STXBP5: variants seen among roughly 807,000 people sequenced by gnomAD.
STXBP5 encodes the protein syntaxin binding protein 5, also known as syntaxin-binding protein 5.
A neutral mutation model predicts 152.4 loss-of-function variants in STXBP5; 50 were observed. That is an observed-to-expected ratio of 0.33 (90% CI 0.26 to 0.42). The LOEUF is 0.42. Among genes scored for constraint, STXBP5 ranks in the 10% least tolerant of loss-of-function variants. The pLI, the probability that STXBP5 is intolerant of heterozygous loss-of-function variation, is 1.00. For synonymous variants in STXBP5, 492 were observed against 494.7 expected (o/e 0.99, Z 0.07); for missense variants, 1,167 against 1,388.6 (o/e 0.84, Z 2.54).
At chr6:147,208,196 A>T (rs1163230355) in intron 2 of STXBP5, among the ~76,000 whole-genome samples, 1 of 152,124 alleles carries the variant, frequency 6.6e-6, no homozygotes, top group Non-Finnish European at 1.5e-5. Flanking sequence ...TTACTAAATT[A>T]CCTTCTACTT....
intron 8 of STXBP5, among the ~76,000 whole-genome samples, chr6:147,285,734 T>G (rs1780929079): frequency 6.6e-6 from 1 of 152,138 alleles, no homozygotes; most frequent in Non-Finnish European, 1.5e-5. Flanking sequence ...CCTAGCCAGG[T>G]TTTTTGCAAG....
chr6:147,348,260 A>C (rs1784428925), intron 21 of STXBP5, among the ~76,000 whole-genome samples: 1 of 152,080 alleles, frequency 6.6e-6, no homozygotes, highest in Non-Finnish European at 1.5e-5. Context: ...TGCCACTTAC[A>C]AGCATTTAGA....
intron 2 of STXBP5, among the ~76,000 whole-genome samples, chr6:147,207,064 C>T (rs1010612352): frequency 7.9e-5 from 12 of 151,716 alleles, no homozygotes; most frequent in Non-Finnish European, 1.6e-4. Flanking sequence ...AAGAAATATA[C>T]GATAGGGGAG....
chr6:147,363,623 T>C lies in STXBP5; in HGVS notation c.2834T>C (p.Val945Ala), dbSNP rs1295695845. 6.2e-7 allele frequency: 1 copy of C among 1,614,090 alleles called. No homozygotes were observed. The highest frequency in any genetic ancestry group is 1.3e-5 in the African/African-American group (1 of 74,932). The change falls in exon 24 of 28, where the codon GTG (valine) becomes GCG (alanine). Residue 945 changes from valine to alanine, a missense_variant. Coordinates refer to ENST00000321680, the MANE Select transcript of STXBP5 (RefSeq NM_001127715.4). ...YKQNITETSFVLRGDIVALSN... is the reference protein window; with the variant it reads ...YKQNITETSFALRGDIVALSN... ...CAAAATATTACAGAGACCTCGTTTG[T>C]GCTTCGTGGAGATATTGTAGCATTG...
chr6:147,296,892 T>A (rs1022901790), intron 9 of STXBP5, among the ~76,000 whole-genome samples: 1 of 152,120 alleles, frequency 6.6e-6, no homozygotes, highest in African/African-American at 2.4e-5. Context: ...TGAAGGCAGG[T>A]CTTTTGAAAT....
At chr6:147,334,620 TTGTA>T (rs1432942929) in intron 19 of STXBP5, among the ~76,000 whole-genome samples, 1 of 152,012 alleles carries the variant, frequency 6.6e-6, no homozygotes, top group Non-Finnish European at 1.5e-5. Context: ...TATAGACTAG[TTGTA>T]TGTATTTTTA....
At chr6:147,329,474 T>C (rs1261945783) in intron 18 of STXBP5, among the ~76,000 whole-genome samples, 1 of 150,858 alleles carries the variant, frequency 6.6e-6, no homozygotes, top group Non-Finnish European at 1.5e-5. Flanking sequence ...CCCAAATTTA[T>C]AAATATTTGA....
intron 9 of STXBP5, among the ~76,000 whole-genome samples, chr6:147,298,986 A>T (rs998823497): frequency 6.6e-6 from 1 of 152,044 alleles, no homozygotes; most frequent in East Asian, 1.9e-4. Flanking sequence ...GAGCCAAAAT[A>T]TACAAAATAG....
intron 4 of STXBP5, among the ~76,000 whole-genome samples, chr6:147,244,418 G>T (rs1257946811): frequency 6.6e-6 from 1 of 152,188 alleles, no homozygotes; most frequent in East Asian, 1.9e-4. Flanking sequence ...TTTAGAATCA[G>T]TTTGTCAATA....
At chr6:147,284,944 A>G (rs1386293646) in intron 8 of STXBP5, among the ~76,000 whole-genome samples, 2 of 152,200 alleles carry the variant, frequency 1.3e-5, no homozygotes, top group Non-Finnish European at 2.9e-5. Context: ...CTGGAGGCAG[A>G]AGAGGGTGGC....
intron 21 of STXBP5, among the ~76,000 whole-genome samples, chr6:147,344,586 G>C (rs12527235): frequency 0.52 from 78,803 of 152,010 alleles, 20,602 homozygotes; most frequent in Middle Eastern, 0.59. Context: ...CTCATTGTAT[G>C]CCCACATGGG....
chr6:147,383,998 G>C (rs1382983769), intron 27 of STXBP5, among the ~76,000 whole-genome samples: 3 of 152,030 alleles, frequency 2.0e-5, no homozygotes, highest in African/African-American at 7.2e-5. Flanking sequence ...CCGATTGTAT[G>C]ATCTCTACAG....
chr6:147,296,791 A>G (rs1234042218), intron 9 of STXBP5, among the ~76,000 whole-genome samples: 2 of 152,234 alleles, frequency 1.3e-5, no homozygotes, highest in Non-Finnish European at 2.9e-5. Context: ...AAGTGCAAAC[A>G]GAAATCTTGG....
intron 2 of STXBP5, among the ~76,000 whole-genome samples, chr6:147,224,248 A>G (rs1777599403): frequency 6.6e-6 from 1 of 152,170 alleles, no homozygotes; most frequent in Non-Finnish European, 1.5e-5. Context: ...CAATATGGTG[A>G]AACCCTGTCT....
chr6:147,232,104 A>G (rs980286087), intron 2 of STXBP5, among the ~76,000 whole-genome samples: 2 of 151,812 alleles, frequency 1.3e-5, no homozygotes, highest in Non-Finnish European at 3.0e-5. Context: ...TAGGTCTTAT[A>G]TGCATTTTAT....
At chr6:147,383,517 A>G (rs1786196422) in intron 27 of STXBP5, among the ~76,000 whole-genome samples, 1 of 152,044 alleles carries the variant, frequency 6.6e-6, no homozygotes, top group African/African-American at 2.4e-5. Flanking sequence ...TCAGAAACAC[A>G]CGCTGTAAAG....
intron 7 of STXBP5, among the ~76,000 whole-genome samples, chr6:147,268,361 A>G (rs1779995176): frequency 2.0e-5 from 3 of 152,330 alleles, no homozygotes; most frequent in East Asian, 3.9e-4. Context: ...AGCTATATCT[A>G]GGAAATGTGT....
intron 8 of STXBP5, 53 bp from the exon 9 acceptor site, chr6:147,291,041 G>T: frequency 7.4e-7 from 1 of 1,343,572 alleles, no homozygotes; most frequent in Admixed American, 1.9e-5. Context: ...ATCAATGTAA[G>T]AATGTAGAGT....
chr6:147,351,039 T>C (rs1287048567), intron 21 of STXBP5, among the ~76,000 whole-genome samples: 5 of 152,190 alleles, frequency 3.3e-5, no homozygotes, highest in Non-Finnish European at 7.3e-5. Context: ...TCACAAAATG[T>C]TTTTGGTGGG....
Sources: allele counts gnomAD v4.1 joint callset (sites outside exome capture counted in the v4.1 genomes callset), GRCh38; gene constraint gnomAD v4.1.1; transcripts MANE v1.5; gene names NCBI Gene and HGNC (gene_info 2026-07-23, HGNC 2026-07-21).